The following ADCY10 variants were observed in gnomAD, a reference collection of about 807,000 sequenced individuals.
ADCY10 encodes adenylate cyclase 10.
In ADCY10, 156 loss-of-function variants were observed where a neutral mutation model predicts 183.3. That is an observed-to-expected ratio of 0.85 (90% CI 0.75 to 0.97). The LOEUF (loss-of-function observed/expected upper bound fraction) is 0.97. ADCY10 is among the 50% of genes least tolerant of loss of function. The pLI, the probability that ADCY10 is intolerant of heterozygous loss-of-function variation, is 0.00. For synonymous variants in ADCY10, 645 were observed against 670.0 expected (o/e 0.96, Z 0.58); for missense variants, 1,745 against 1,934.3 (o/e 0.90, Z 1.84).
chr1:167,864,585 A>T (rs1258490871), intron 14 of ADCY10, among the ~76,000 whole-genome samples: 1 of 152,026 alleles, frequency 6.6e-6, no homozygotes, highest in Non-Finnish European at 1.5e-5. Flanking sequence ...AGGAAAGTCA[A>T]AGAGAGAGAG....
intron 14 of ADCY10, among the ~76,000 whole-genome samples, chr1:167,862,450 G>A (rs1333375343): frequency 6.6e-6 from 1 of 152,080 alleles, no homozygotes; most frequent in African/African-American, 2.4e-5. Flanking sequence ...ACCAAAGATG[G>A]CCAGCAACCA....
At chr1:167,812,988 C>T (rs965871403) in intron 31 of ADCY10, among the ~76,000 whole-genome samples, 1 of 151,982 alleles carries the variant, frequency 6.6e-6, no homozygotes, top group Non-Finnish European at 1.5e-5. Flanking sequence ...GAAAAGTTAA[C>T]AGAGCCTAAG....
At chr1:167,888,364 G>C (rs1318893045) in intron 8 of ADCY10, among the ~76,000 whole-genome samples, 1 of 151,936 alleles carries the variant, frequency 6.6e-6, no homozygotes. Flanking sequence ...AGATTGCTTT[G>C]GGTAGTATGA....
intron 9 of ADCY10, among the ~76,000 whole-genome samples, chr1:167,883,039 T>A (rs902849841): frequency 2.6e-5 from 4 of 152,192 alleles, no homozygotes; most frequent in Admixed American, 2.6e-4. Flanking sequence ...AGGTTAAATT[T>A]CTTTTTTTGT....
At chr1:167,839,473 C>A (rs896809933) in intron 21 of ADCY10, among the ~76,000 whole-genome samples, 2 of 152,168 alleles carry the variant, frequency 1.3e-5, no homozygotes, top group Admixed American at 6.5e-5. Flanking sequence ...ATGAGGCAAG[C>A]CTTTTACATG....
chr1:167,891,263 C>T (rs148540002), intron 8 of ADCY10, among the ~76,000 whole-genome samples: 1 of 151,962 alleles, frequency 6.6e-6, no homozygotes, highest in East Asian at 2.0e-4. Context: ...CTTGGCTCAT[C>T]TAACATTTAA....
At chr1:167,905,230 A>G in intron 1 of ADCY10, 32 bp from the exon 2 acceptor site, 4 of 1,417,978 alleles carry the variant, frequency 2.8e-6, no homozygotes, top group Non-Finnish European at 2.0e-6. Flanking sequence ...AGGAAATCTG[A>G]TATATTCATT....
intron 9 of ADCY10, among the ~76,000 whole-genome samples, chr1:167,882,410 G>A (rs540541357): frequency 3.3e-5 from 5 of 151,460 alleles, no homozygotes; most frequent in Admixed American, 6.6e-5. Flanking sequence ...GCTTGAACCC[G>A]GGAGGCGGAG....
intron 8 of ADCY10, among the ~76,000 whole-genome samples, chr1:167,891,143 G>C (rs1013666263): frequency 6.6e-6 from 1 of 151,844 alleles, no homozygotes; most frequent in African/African-American, 2.4e-5. Context: ...TGTATTTTTA[G>C]TAGAGACAAG....
At chr1:167,850,819 A>C (rs1020841098) in intron 18 of ADCY10, among the ~76,000 whole-genome samples, 2 of 152,110 alleles carry the variant, frequency 1.3e-5, no homozygotes, top group Admixed American at 6.6e-5. Flanking sequence ...TCACTCAACC[A>C]GTATTAACTG....
chr1:167,888,309 T>C (rs540473157), intron 8 of ADCY10, among the ~76,000 whole-genome samples: 1 of 152,316 alleles, frequency 6.6e-6, no homozygotes, highest in African/African-American at 2.4e-5. Context: ...TCTATTTCTG[T>C]GAAGAATGTC....
chr1:167,818,465 T>G, intron 30 of ADCY10, 198 bp from the exon 31 acceptor site: 3 of 688,930 alleles, frequency 4.4e-6, no homozygotes, highest in Non-Finnish European at 8.0e-6. Context: ...TAAATTTTTT[T>G]GATGACTTGA....
intron 12 of ADCY10, among the ~76,000 whole-genome samples, 153 bp from the exon 13 acceptor site, chr1:167,875,339 A>G (rs1425953993): frequency 6.6e-6 from 1 of 152,246 alleles, no homozygotes; most frequent in East Asian, 1.9e-4. Flanking sequence ...CAAAAGAAGG[A>G]GAAACGAGAA....
intron 9 of ADCY10, among the ~76,000 whole-genome samples, chr1:167,883,192 C>T (rs550911274): frequency 1.4e-4 from 21 of 152,328 alleles, no homozygotes; most frequent in Admixed American, 9.1e-4. Flanking sequence ...CACGTGCCAC[C>T]GCACCCAGCT....
At chr1:167,902,745 G>A (rs1202565847) in intron 3 of ADCY10, among the ~76,000 whole-genome samples, 3 of 152,230 alleles carry the variant, frequency 2.0e-5, no homozygotes, top group African/African-American at 7.2e-5. Context: ...CCATAACAGA[G>A]TAAACCGTTG....
chr1:167,882,484 C>CAA (rs71100909), intron 9 of ADCY10, among the ~76,000 whole-genome samples: 2,279 of 71,086 alleles, frequency 0.032, 101 homozygotes, highest in African/African-American at 0.11. Context: ...GATTCCGTCT[C>CAA]AAAAAAAAAA....
intron 14 of ADCY10, among the ~76,000 whole-genome samples, chr1:167,864,915 T>C (rs1351936019): frequency 6.9e-6 from 1 of 145,078 alleles, no homozygotes; most frequent in Non-Finnish European, 1.5e-5. Flanking sequence ...AAAAAAGAGC[T>C]GTGGGAAGGC....
Position 167,822,051 on chromosome 1 carries a change from A to G in ADCY10, c.4259T>C (p.Leu1420Pro), listed in dbSNP as rs1159468013. 2 of 1,599,162 alleles carry G rather than the reference A, an allele frequency of 1.3e-6. No homozygotes were observed. Among genetic ancestry groups the G allele is most frequent in the African/African-American group, 2.7e-5 (2 of 74,688 alleles). The change falls in exon 30 of 33, where the codon CTG becomes CCG. Residue 1420 changes from leucine (L) to proline (P), a missense_variant. Transcript: ENST00000367851. ...RILKFHSGLL[L>P]GLYSSVAIWY... ...GATAGCTACAGAGGAATAAAGTCCCAGGAGGAGTCCACTGTGGAACTTGAG... is the reference window on the plus strand; with the variant it reads ...GATAGCTACAGAGGAATAAAGTCCCGGGAGGAGTCCACTGTGGAACTTGAG...
At chr1:167,843,360 G>A (rs1393754422) in intron 21 of ADCY10, among the ~76,000 whole-genome samples, 2 of 152,058 alleles carry the variant, frequency 1.3e-5, no homozygotes, top group Non-Finnish European at 2.9e-5. Flanking sequence ...ACATGTGTAT[G>A]TGTGTGTGTA....
Sources: gnomAD v4.1 joint callset for allele counts (sites outside exome capture counted in the v4.1 genomes callset) on GRCh38, gnomAD v4.1.1 for gene constraint, MANE v1.5 for transcripts, NCBI Gene and HGNC (gene_info 2026-07-23, HGNC 2026-07-21) for gene names.